The following HDAC9 variants were observed in gnomAD, a reference collection of about 807,000 sequenced individuals.
HDAC9 encodes histone deacetylase 9, also known as MEF-2 interacting transcription repressor (MITR) protein.
A neutral mutation model predicts 139.4 loss-of-function variants in HDAC9; 41 were observed. That is an observed-to-expected ratio of 0.29 (90% CI 0.23 to 0.38). HDAC9 has a LOEUF of 0.38. HDAC9 is among the 10% of genes least tolerant of loss of function. The pLI is 1.00. For missense variants in HDAC9, 1,147 were observed against 1,297.0 expected (o/e 0.88, Z 1.78); for synonymous variants, 517 against 476.2 (o/e 1.09, Z -1.12).
chr7:18,990,805 G>C (rs1038868262), intron 25 of HDAC9, among the ~76,000 whole-genome samples: 2 of 152,236 alleles, frequency 1.3e-5, no homozygotes, highest in Admixed American at 6.5e-5. Flanking sequence ...GGAGTGACCT[G>C]ATTTTCCAGG....
At chr7:18,605,285 C>T (rs940605395) in intron 6 of HDAC9, among the ~76,000 whole-genome samples, 5 of 152,140 alleles carry the variant, frequency 3.3e-5, no homozygotes, top group South Asian at 2.1e-4. Context: ...AACCTTACAA[C>T]TAAATTTCAT....
At chr7:18,524,155 T>C (rs577581582) in intron 2 of HDAC9, among the ~76,000 whole-genome samples, 39 of 151,768 alleles carry the variant, frequency 2.6e-4, no homozygotes, top group Non-Finnish European at 4.7e-4. Context: ...TTGGCATACA[T>C]TCATATCTAC....
In HDAC9 at chr7:18,996,334, G is replaced by A. The variant is rs772736399; in HGVS notation, c.*272G>A. The A allele has an allele frequency of 3.0e-5, 11 of 360,964 alleles. No homozygotes were observed. Among genetic ancestry groups the A allele is most frequent in the Admixed American group, 8.8e-5 (2 of 22,680 alleles). The allele number at this position is 360,964 out of a possible 1,614,324, so 22.4% of individuals were successfully genotyped here. A position where few individuals can be genotyped will look rare whatever the true frequency, so the allele number is the denominator to read the frequency against. On this transcript the variant is annotated 3_prime_UTR_variant, in exon 26 of 26. Transcript: ENST00000686413. ...GCTTCCAGCATGCTTTTAATATGCTGGGTGACCCACTCCTAGACACCAAGT... is the reference window on the plus strand; with the variant it reads ...GCTTCCAGCATGCTTTTAATATGCTAGGTGACCCACTCCTAGACACCAAGT...
At chr7:18,157,335 A>G (rs1051905877) in intron 1 of HDAC9, among the ~76,000 whole-genome samples, 2 of 152,122 alleles carry the variant, frequency 1.3e-5, no homozygotes, top group Non-Finnish European at 2.9e-5. Context: ...CTGAAACCAT[A>G]GGGGTTATAC....
chr7:18,759,488 C>T (rs1386577286), intron 14 of HDAC9, among the ~76,000 whole-genome samples: 2 of 151,914 alleles, frequency 1.3e-5, no homozygotes, highest in Non-Finnish European at 2.9e-5. Context: ...TCTCCTATCA[C>T]CCCCAGAGGG....
intron 12 of HDAC9, among the ~76,000 whole-genome samples, chr7:18,711,032 A>G (rs537721756): frequency 6.6e-6 from 1 of 152,282 alleles, no homozygotes; most frequent in East Asian, 1.9e-4. Flanking sequence ...TGTAGTAATA[A>G]TTTTCAGTAT....
intron 17 of HDAC9, among the ~76,000 whole-genome samples, chr7:18,824,090 CAAG>C (rs796695519): frequency 1.6e-5 from 2 of 123,078 alleles, no homozygotes; most frequent in African/African-American, 3.0e-5. Flanking sequence ...AGAAGAAGAA[CAAG>C]AACAAGAAGG....
chr7:18,286,806 A>AAG, upstream of HDAC9, among the ~76,000 whole-genome samples: 1 of 152,136 alleles, frequency 6.6e-6, no homozygotes, highest in Non-Finnish European at 1.5e-5. Context: ...CTTTATTATT[A>AAG]TTGCTCATAG....
intron 17 of HDAC9, among the ~76,000 whole-genome samples, chr7:18,816,052 G>T (rs1046463643): frequency 9.9e-5 from 15 of 152,168 alleles, no homozygotes; most frequent in African/African-American, 3.4e-4. Context: ...GTAAACCATA[G>T]CAATACAATA....
chr7:18,954,529 T>G (rs1783017232), intron 24 of HDAC9, among the ~76,000 whole-genome samples: 2 of 152,086 alleles, frequency 1.3e-5, no homozygotes, highest in South Asian at 4.1e-4. Context: ...GAAATTGTGA[T>G]TTTGTAATCC....
At chr7:18,369,495 T>C (rs770223103) in intron 1 of HDAC9, among the ~76,000 whole-genome samples, 17 of 152,044 alleles carry the variant, frequency 1.1e-4, no homozygotes, top group Admixed American at 2.0e-4. Context: ...TCCTCCCTTT[T>C]TTCTTCTCTT....
At chr7:18,919,168 G>A (rs1329512459) in intron 22 of HDAC9, among the ~76,000 whole-genome samples, 4 of 152,078 alleles carry the variant, frequency 2.6e-5, no homozygotes, top group East Asian at 1.9e-4. Flanking sequence ...TCAGAAGGGC[G>A]CTTATGTATC....
intron 13 of HDAC9, among the ~76,000 whole-genome samples, chr7:18,728,609 A>G (rs960936532): frequency 1.2e-4 from 18 of 152,228 alleles, no homozygotes; most frequent in African/African-American, 4.1e-4. Context: ...TGGATACTGC[A>G]GAAAACGAAT....
chr7:18,366,508 T>C (rs779023747), intron 1 of HDAC9, among the ~76,000 whole-genome samples: 2 of 152,136 alleles, frequency 1.3e-5, no homozygotes, highest in Non-Finnish European at 2.9e-5. Flanking sequence ...GGTCCTTCAG[T>C]CACATTTGGC....
chr7:18,881,708 C>T (rs1321345346), intron 22 of HDAC9, among the ~76,000 whole-genome samples: 1 of 152,134 alleles, frequency 6.6e-6, no homozygotes, highest in Non-Finnish European at 1.5e-5. Context: ...AAGTGTATTT[C>T]ACCTAATGTT....
intron 21 of HDAC9, among the ~76,000 whole-genome samples, chr7:18,854,243 G>A (rs75813777): frequency 0.034 from 5,197 of 152,168 alleles, 276 homozygotes; most frequent in East Asian, 0.14. Flanking sequence ...TGCTAATATG[G>A]AGCACAAGAA....
At chr7:18,571,892 T>TTCAGAAAA (rs1193118676) in intron 2 of HDAC9, among the ~76,000 whole-genome samples, 1 of 152,190 alleles carries the variant, frequency 6.6e-6, no homozygotes, top group African/African-American at 2.4e-5. Flanking sequence ...CATTGAGGCT[T>TTCAGAAAA]TCAGAAAATA....
intron 12 of HDAC9, among the ~76,000 whole-genome samples, chr7:18,679,353 G>C (rs1030409725): frequency 6.6e-6 from 1 of 151,900 alleles, no homozygotes; most frequent in African/African-American, 2.4e-5. Flanking sequence ...AAGTTTTTTG[G>C]AGGACCTGTG....
At chr7:18,362,753 T>G (rs997274038) in intron 1 of HDAC9, among the ~76,000 whole-genome samples, 19 of 152,292 alleles carry the variant, frequency 1.2e-4, no homozygotes, top group Middle Eastern at 6.8e-3. Context: ...TATACTGGCT[T>G]TCATGCTACA....
Sources: allele counts gnomAD v4.1 joint callset (sites outside exome capture counted in the v4.1 genomes callset), GRCh38; gene constraint gnomAD v4.1.1; transcripts MANE v1.5; gene names NCBI Gene and HGNC (gene_info 2026-07-23, HGNC 2026-07-21).